Variants in SEPTIN6 observed in about 807,000 individuals in gnomAD.
The protein encoded by SEPTIN6 is septin 6.
A neutral mutation model predicts 33.6 loss-of-function variants in SEPTIN6; 8 were observed. The observed-to-expected ratio is 0.24, with a 90% confidence interval of 0.14 to 0.43. SEPTIN6 has a LOEUF of 0.43. Ranked by LOEUF, SEPTIN6 falls within the 20% of genes least tolerant of loss-of-function variation. SEPTIN6 has a pLI of 1.00. For missense variants in SEPTIN6, 250 were observed against 340.8 expected, an observed-to-expected ratio of 0.73 and a Z score of 2.10; for synonymous variants, 131 against 140.0, an observed-to-expected ratio of 0.94 and a Z score of 0.45.
At chrX:119,686,330 C>T (rs1477358296) in intron 1 of SEPTIN6, among the ~76,000 whole-genome samples, 1 of 111,706 alleles carries the variant, frequency 9.0e-6, no homozygotes, top group Non-Finnish European at 1.9e-5. Flanking sequence ...CTCATCAGGG[C>T]CAGGAAAACA....
chrX:119,688,568 A>T lies in SEPTIN6; in HGVS notation c.30+4508T>A, dbSNP rs748528633. On this transcript the variant is annotated intron_variant, in intron 1 of 10. Coordinates refer to ENST00000394610, the MANE Select transcript of SEPTIN6 (RefSeq NM_145799.4). Reference sequence around the variant, plus strand: ...CTAAAAATACAAAAATTAGCTGGGCACGGTGGTGCACACCTGTAATCCCAG... The same window carrying T: ...CTAAAAATACAAAAATTAGCTGGGCTCGGTGGTGCACACCTGTAATCCCAG... Among the ~76,000 whole-genome samples the T allele has an allele frequency of 2.7e-5, 3 of 109,851 alleles. No homozygotes were observed. The South Asian group carries it at 1.2e-3, about 44-fold the overall frequency.
At chrX:119,642,298 C>T (rs2054170893) in intron 5 of SEPTIN6, among the ~76,000 whole-genome samples, 1 of 110,683 alleles carries the variant, frequency 9.0e-6, no homozygotes, top group Non-Finnish European at 1.9e-5. Flanking sequence ...TAGGTAGTGG[C>T]AATCATACTA....
At chrX:119,672,152 C>A (rs2054760412) in intron 2 of SEPTIN6, among the ~76,000 whole-genome samples, 2 of 111,700 alleles carry the variant, frequency 1.8e-5, no homozygotes, top group African/African-American at 6.5e-5. Flanking sequence ...ATGGTTGCAC[C>A]TGTGAGTCTA....
At chrX:119,652,748 G>A (rs1290498098) in intron 4 of SEPTIN6, 106 bp downstream of exon 4, 1 of 611,383 alleles carries the variant, frequency 1.6e-6, no homozygotes. Flanking sequence ...CAGGGAATGA[G>A]GGAGAGGATG....
intron 2 of SEPTIN6, among the ~76,000 whole-genome samples, chrX:119,671,232 G>A (rs2054741236): frequency 9.0e-6 from 1 of 110,514 alleles, no homozygotes; most frequent in African/African-American, 3.3e-5. Context: ...GACTGCTTGA[G>A]CCCAGGAGTT....
chrX:119,650,725 G>C (rs375902567), intron 4 of SEPTIN6, among the ~76,000 whole-genome samples: 3 of 111,558 alleles, frequency 2.7e-5, no homozygotes, highest in South Asian at 7.5e-4. Context: ...GCTCAGTGAG[G>C]ATGCACACCT....
intron 9 of SEPTIN6, among the ~76,000 whole-genome samples, chrX:119,627,822 CAG>C (rs1327678596): frequency 1.4e-5 from 1 of 72,312 alleles, no homozygotes; most frequent in Non-Finnish European, 2.4e-5. Context: ...TTTTTTGAGA[CAG>C]AGTCTCAATC....
chrX:119,638,322 T>C (rs1411382862), intron 6 of SEPTIN6, among the ~76,000 whole-genome samples: 1 of 111,643 alleles, frequency 9.0e-6, no homozygotes, highest in Admixed American at 9.5e-5. Flanking sequence ...GTCTGCAATT[T>C]GGGGCAGTGG....
chrX:119,666,289 T>C (rs1439478840), intron 2 of SEPTIN6, among the ~76,000 whole-genome samples: 1 of 111,860 alleles, frequency 8.9e-6, no homozygotes, highest in Non-Finnish European at 1.9e-5. Context: ...ATTGGGCAAA[T>C]TGTGGCCTGC....
At chrX:119,673,957 A>G (rs985884926) in intron 2 of SEPTIN6, among the ~76,000 whole-genome samples, 7 of 110,056 alleles carry the variant, frequency 6.4e-5, no homozygotes. Flanking sequence ...TACTACATGA[A>G]CAAGTTCCCC....
At chrX:119,682,330 T>C (rs767569810) in intron 1 of SEPTIN6, among the ~76,000 whole-genome samples, 1 of 111,621 alleles carries the variant, frequency 9.0e-6, no homozygotes, top group Non-Finnish European at 1.9e-5. Flanking sequence ...ATTTTTAATA[T>C]AAGAAAGAAG....
At chrX:119,654,791 C>T (rs886386234) in intron 3 of SEPTIN6, among the ~76,000 whole-genome samples, 2 of 111,401 alleles carry the variant, frequency 1.8e-5, no homozygotes, top group Admixed American at 1.9e-4. Flanking sequence ...TCCCAAGCCC[C>T]AGAGAAAACT....
At chrX:119,646,764 C>T (rs1479663038) in intron 5 of SEPTIN6, 3 of 302,665 alleles carry the variant, frequency 9.9e-6, no homozygotes, top group Non-Finnish European at 2.1e-5. Context: ...GCTGGGGTGG[C>T]TGAGGCTGTG....
Position 119,640,889 on chromosome X carries a change from C to T in SEPTIN6, c.691-101G>A, listed in dbSNP as rs78913879. 4 of 554,998 alleles carry T rather than the reference C, an allele frequency of 7.2e-6. No individual in the cohort carries two copies. In the East Asian group the frequency reaches 1.0e-4, roughly 14 times the overall value. The allele number at this position is 554,998 out of a possible 1,213,427, so 45.7% of individuals were successfully genotyped here. A position where few individuals can be genotyped will look rare whatever the true frequency, so the allele number is the denominator to read the frequency against. ...GTCTCTGGGGCCCCAGGCCCTCACC[C>T]TGCAATGTCCCTCACTGTCATCATC... On this transcript the variant is annotated intron_variant, in intron 5 of 10. Transcript: ENST00000394610.
chrX:119,662,250 T>C (rs1331489417), intron 3 of SEPTIN6, among the ~76,000 whole-genome samples: 1 of 112,139 alleles, frequency 8.9e-6, no homozygotes, highest in Non-Finnish European at 1.9e-5. Flanking sequence ...AATCTATTTC[T>C]AGCCTCTTCT....
Position 119,633,745 on chromosome X carries a change from C to T in SEPTIN6, c.957-253G>A, listed in dbSNP as rs187860652. ...TATCTGGTTCTATACTCTTGTTCTA[C>T]GGATGAGAAAACTGAGGCCCAGAGA... On this transcript the variant is annotated intron_variant, in intron 7 of 10. Transcript: ENST00000394610. Among the ~76,000 whole-genome samples the T allele has an allele frequency of 2.9e-4, 32 of 111,946 alleles. 1 individual carries two copies. The East Asian group carries it at 5.9e-3, about 21-fold the overall frequency.
intron 3 of SEPTIN6, among the ~76,000 whole-genome samples, chrX:119,660,579 G>A (rs988226730): frequency 1.8e-5 from 2 of 112,144 alleles, no homozygotes; most frequent in Non-Finnish European, 3.8e-5. Flanking sequence ...TAGATATGTT[G>A]AATGTATGTA....
chrX:119,691,989 A>C (rs1248305990), intron 1 of SEPTIN6, among the ~76,000 whole-genome samples: 4 of 111,481 alleles, frequency 3.6e-5, no homozygotes. Flanking sequence ...CCCAAATGGA[A>C]TTCATCGCCC....
At chrX:119,686,620 TCCCAGCAGCAGAA>T in intron 1 of SEPTIN6, 1 of 969,477 alleles carries the variant, frequency 1.0e-6, no homozygotes, top group South Asian at 2.0e-5. Context: ...CGGTTTCAAA[TCCCAGCAGCAGAA>T]GCCTCCTCCT....
Sources: allele counts gnomAD v4.1 joint callset (sites outside exome capture counted in the v4.1 genomes callset), GRCh38; gene constraint gnomAD v4.1.1; transcripts MANE v1.5; gene names NCBI Gene and HGNC (gene_info 2026-07-23, HGNC 2026-07-21).